CACNB2: variants seen among roughly 807,000 people sequenced by gnomAD.
CACNB2 encodes calcium voltage-gated channel auxiliary subunit beta 2.
Under a neutral mutation model 73.3 loss-of-function variants are expected in CACNB2, and 42 were observed. That is an observed-to-expected ratio of 0.57 (90% CI 0.45 to 0.74). The LOEUF is 0.74. CACNB2 is among the 30% of genes least tolerant of loss of function. The pLI, the probability that CACNB2 is intolerant of heterozygous loss-of-function variation, is 0.00. For synonymous variants in CACNB2, 348 were observed against 310.3 expected (o/e 1.12, Z -1.28); for missense variants, 940 against 853.0 (o/e 1.10, Z -1.27).
chr10:18,385,469 A>G (rs919503806), intron 2 of CACNB2, among the ~76,000 whole-genome samples: 1 of 147,006 alleles, frequency 6.8e-6, no homozygotes, highest in South Asian at 2.2e-4. Context: ...AAATGCACTT[A>G]TCAAAAAATT....
At position 18,308,213 on chromosome 10, in the gene CACNB2, C is replaced by T. The variant is rs189501510; in HGVS notation, c.214-93711C>T. ...TTCGCCATGTTGGCCAGGCTAGTCT[C>T]GAACTCCTGGCCTGAAGTGATCCGC... On this transcript the variant is annotated intron_variant, in intron 2 of 13. Transcript: ENST00000324631. Among the ~76,000 whole-genome samples the T allele has an allele frequency of 3.2e-3, 479 of 151,994 alleles. 1 individual carries two copies. Among genetic ancestry groups the T allele is most frequent in the African/African-American group, 0.011 (451 of 41,450 alleles).
intron 6 of CACNB2, among the ~76,000 whole-genome samples, chr10:18,507,307 C>T (rs1218252854): frequency 1.3e-5 from 2 of 152,096 alleles, no homozygotes; most frequent in Non-Finnish European, 1.5e-5. Context: ...CTGTGGAAGA[C>T]ACAGACAAGA....
At chr10:18,333,122 T>G (rs1367178831) in intron 2 of CACNB2, among the ~76,000 whole-genome samples, 1 of 152,198 alleles carries the variant, frequency 6.6e-6, no homozygotes, top group East Asian at 1.9e-4. Context: ...CATTTTCAAG[T>G]GTATCTCATT....
At chr10:18,375,932 G>A (rs2042779916) in intron 2 of CACNB2, among the ~76,000 whole-genome samples, 1 of 152,118 alleles carries the variant, frequency 6.6e-6, no homozygotes, top group Admixed American at 6.6e-5. Flanking sequence ...GAGAACAGAT[G>A]GAGGTTGCTC....
chr10:18,254,911 G>C (rs1430587969), intron 2 of CACNB2, among the ~76,000 whole-genome samples: 1 of 152,200 alleles, frequency 6.6e-6, no homozygotes, highest in Non-Finnish European at 1.5e-5. Flanking sequence ...TTCATTTTCT[G>C]TTTCTGTCCT....
chr10:18,303,800 A>T (rs555039186), intron 2 of CACNB2, among the ~76,000 whole-genome samples: 1 of 152,346 alleles, frequency 6.6e-6, no homozygotes, highest in East Asian at 1.9e-4. Flanking sequence ...TCTGTTTTCC[A>T]GTCCGTTCAG....
At chr10:18,520,762 A>G (rs907676277) in intron 9 of CACNB2, among the ~76,000 whole-genome samples, 2 of 152,168 alleles carry the variant, frequency 1.3e-5, no homozygotes, top group Non-Finnish European at 2.9e-5. Flanking sequence ...AGATTACACA[A>G]TCACCTCAGG....
At chr10:18,528,607 A>G (rs2052704569) in intron 10 of CACNB2, among the ~76,000 whole-genome samples, 1 of 152,232 alleles carries the variant, frequency 6.6e-6, no homozygotes, top group Admixed American at 6.5e-5. Flanking sequence ...CAGAAAAACT[A>G]TTATAAATAA....
intron 2 of CACNB2, among the ~76,000 whole-genome samples, chr10:18,391,919 C>T (rs796441261): frequency 9.3e-6 from 1 of 107,226 alleles, no homozygotes; most frequent in East Asian, 2.8e-4. Context: ...CAGAGTAAGA[C>T]CCTGTCAAAA....
chr10:18,145,986 C>A (rs1255378961), intron 1 of CACNB2, among the ~76,000 whole-genome samples: 2 of 152,082 alleles, frequency 1.3e-5, no homozygotes, highest in African/African-American at 4.8e-5. Context: ...CCTGTACCTG[C>A]TAGACACCCA....
intron 2 of CACNB2, among the ~76,000 whole-genome samples, chr10:18,386,728 A>T (rs2043252035): frequency 6.6e-6 from 1 of 152,100 alleles, no homozygotes; most frequent in Admixed American, 6.6e-5. Context: ...TTTTAATCTG[A>T]TATAGTAAAA....
intron 2 of CACNB2, among the ~76,000 whole-genome samples, chr10:18,355,929 C>T (rs2041891134): frequency 6.6e-6 from 1 of 152,162 alleles, no homozygotes; most frequent in African/African-American, 2.4e-5. Flanking sequence ...AGCCACCATG[C>T]CCGGCCTCTG....
At chr10:18,338,705 ACTTCCTGC>A (rs1405909502) in intron 2 of CACNB2, among the ~76,000 whole-genome samples, 2 of 81,038 alleles carry the variant, frequency 2.5e-5, no homozygotes, top group Non-Finnish European at 5.1e-5. Flanking sequence ...TTCCTTCCTG[ACTTCCTGC>A]CTTCCTGCCT....
At chr10:18,296,823 T>C (rs1054415783) in intron 2 of CACNB2, among the ~76,000 whole-genome samples, 2 of 152,158 alleles carry the variant, frequency 1.3e-5, no homozygotes, top group African/African-American at 4.8e-5. Context: ...TTGCAGACAA[T>C]GTATTATAGT....
chr10:18,390,178 GA>G (rs76117714), intron 2 of CACNB2, among the ~76,000 whole-genome samples: 18,635 of 152,182 alleles, frequency 0.12, 1,380 homozygotes, highest in East Asian at 0.2. Flanking sequence ...CGCTGCTCAA[GA>G]AAAGGCCTGG....
chr10:18,302,921 G>A lies in CACNB2; in HGVS notation c.214-99003G>A, dbSNP rs113062193. On this transcript the variant is annotated intron_variant, in intron 2 of 13. Coordinates refer to ENST00000324631, the MANE Select transcript of CACNB2 (RefSeq NM_201596.3). The stretch of plus-strand genomic sequence containing the variant: ...GCAGTAGACTTTTCTAGACTTGCAG[G>A]CATATTGCAGTTTTGTGTAATCTGT... Among the ~76,000 whole-genome samples, 412 of 152,288 alleles carry A rather than the reference G, an allele frequency of 2.7e-3. 4 individuals carry two copies. Among genetic ancestry groups the A allele is most frequent in the South Asian group, 0.024 (114 of 4,824 alleles).
At chr10:18,445,849 C>T (rs768062771) in intron 3 of CACNB2, among the ~76,000 whole-genome samples, 1 of 152,206 alleles carries the variant, frequency 6.6e-6, no homozygotes, top group Non-Finnish European at 1.5e-5. Context: ...GCCTGGTCAA[C>T]ATGGTGAAAC....
chr10:18,219,554 T>C (rs73595561), intron 2 of CACNB2, among the ~76,000 whole-genome samples: 2,486 of 152,310 alleles, frequency 0.016, 72 homozygotes, highest in African/African-American at 0.057. Context: ...GAAGTGGACT[T>C]GCACAGAGGA....
At chr10:18,336,628 GAA>G (rs59632019) in intron 2 of CACNB2, among the ~76,000 whole-genome samples, 4 of 148,114 alleles carry the variant, frequency 2.7e-5, no homozygotes, top group South Asian at 4.3e-4. Flanking sequence ...CTCAAAAAAA[GAA>G]AAAAAAAAAG....
Sources: gnomAD v4.1 joint callset for allele counts (sites outside exome capture counted in the v4.1 genomes callset) on GRCh38, gnomAD v4.1.1 for gene constraint, MANE v1.5 for transcripts, NCBI Gene and HGNC (gene_info 2026-07-23, HGNC 2026-07-21) for gene names.